The following CDYL2 variants were observed in gnomAD, a reference collection of about 807,000 sequenced individuals.
CDYL2 encodes the protein chromodomain Y like 2, also known as chromodomain Y-like protein 2.
Under a neutral mutation model 49.4 loss-of-function variants are expected in CDYL2, and 23 were observed. The observed-to-expected ratio is 0.47, with a 90% CI of 0.34 to 0.66. CDYL2 has a LOEUF of 0.66. CDYL2 is among the 30% of genes least tolerant of loss of function. The probability of loss-of-function intolerance (pLI) is 0.01; values close to 1 mark genes in which losing one functional copy is unlikely to be tolerated. For synonymous variants in CDYL2, 360 were observed against 268.8 expected, an observed-to-expected ratio of 1.34 and a Z score of -3.32; for missense variants, 678 against 656.4, an observed-to-expected ratio of 1.03 and a Z score of -0.36.
chr16:80,778,339 C>G (rs1907157652), intron 1 of CDYL2, among the ~76,000 whole-genome samples: 1 of 151,722 alleles, frequency 6.6e-6, no homozygotes, highest in Admixed American at 6.6e-5. Flanking sequence ...AAAATTATAA[C>G]TGACAGAAAG....
At chr16:80,642,050 G>A (rs1409534181) in intron 2 of CDYL2, among the ~76,000 whole-genome samples, 1 of 152,100 alleles carries the variant, frequency 6.6e-6, no homozygotes, top group Non-Finnish European at 1.5e-5. Flanking sequence ...CAATGAGCAG[G>A]TCAAAAATAA....
intron 1 of CDYL2, among the ~76,000 whole-genome samples, chr16:80,786,211 C>G (rs1907430812): frequency 6.6e-6 from 1 of 152,112 alleles, no homozygotes; most frequent in Non-Finnish European, 1.5e-5. Flanking sequence ...TGCAATCTAT[C>G]CATCTGACAA....
At chr16:80,673,228 G>T (rs1384586830) in intron 2 of CDYL2, among the ~76,000 whole-genome samples, 1 of 152,140 alleles carries the variant, frequency 6.6e-6, no homozygotes, top group Non-Finnish European at 1.5e-5. Flanking sequence ...GCAGAGGCAG[G>T]AGAATCGTTT....
intron 1 of CDYL2, among the ~76,000 whole-genome samples, chr16:80,776,502 C>G (rs1907087337): frequency 6.6e-6 from 1 of 151,586 alleles, no homozygotes; most frequent in South Asian, 2.1e-4. Flanking sequence ...GAAATGATCC[C>G]AAAAGTCTAT....
At chr16:80,765,091 T>C (rs1906671462) in intron 1 of CDYL2, among the ~76,000 whole-genome samples, 1 of 145,486 alleles carries the variant, frequency 6.9e-6, no homozygotes, top group Non-Finnish European at 1.5e-5. Context: ...TAGTTCCTCA[T>C]ATAATATATA....
intron 1 of CDYL2, among the ~76,000 whole-genome samples, chr16:80,707,868 T>C (rs1555531735): frequency 6.6e-6 from 1 of 152,232 alleles, no homozygotes; most frequent in Non-Finnish European, 1.5e-5. Context: ...CACTGTACAC[T>C]GGGAAAATTC....
intron 2 of CDYL2, among the ~76,000 whole-genome samples, chr16:80,644,739 T>C (rs148149901): frequency 6.6e-4 from 100 of 152,268 alleles, no homozygotes; most frequent in African/African-American, 2.4e-3. Flanking sequence ...CTTCAAACTA[T>C]ACTACAAGTC....
At chr16:80,748,253 G>A (rs547015759) in intron 1 of CDYL2, among the ~76,000 whole-genome samples, 133 of 147,754 alleles carry the variant, frequency 9.0e-4, no homozygotes, top group Middle Eastern at 3.6e-3. Flanking sequence ...TGGACCGGGC[G>A]CGCTGGCTCA....
intron 1 of CDYL2, among the ~76,000 whole-genome samples, chr16:80,734,711 C>T (rs1014462664): frequency 2.0e-5 from 3 of 152,138 alleles, no homozygotes; most frequent in Non-Finnish European, 4.4e-5. Flanking sequence ...CACAGATATA[C>T]CTGCTTAAGC....
At chr16:80,646,194 G>A (rs1253448450) in intron 2 of CDYL2, among the ~76,000 whole-genome samples, 1 of 151,786 alleles carries the variant, frequency 6.6e-6, no homozygotes, top group Non-Finnish European at 1.5e-5. Flanking sequence ...CAATATGTGG[G>A]AATTATGGGA....
intron 1 of CDYL2, among the ~76,000 whole-genome samples, chr16:80,791,396 T>C (rs1181182240): frequency 6.6e-6 from 1 of 152,152 alleles, no homozygotes; most frequent in Non-Finnish European, 1.5e-5. Flanking sequence ...CTGTGCTAGG[T>C]GCTACAGATG....
chr16:80,685,631 A>G (rs1910159651), intron 1 of CDYL2, among the ~76,000 whole-genome samples: 1 of 152,212 alleles, frequency 6.6e-6, no homozygotes, highest in African/African-American at 2.4e-5. Flanking sequence ...CTGGGTGCTT[A>G]TGAGCCAGAC....
chr16:80,779,161 C>T (rs536905294), intron 1 of CDYL2, among the ~76,000 whole-genome samples: 2 of 152,052 alleles, frequency 1.3e-5, no homozygotes, highest in South Asian at 4.2e-4. Flanking sequence ...CAAAAATATA[C>T]ATTAATCTGC....
intron 2 of CDYL2, among the ~76,000 whole-genome samples, chr16:80,661,441 T>C (rs964413962): frequency 1.3e-5 from 2 of 152,184 alleles, no homozygotes; most frequent in Non-Finnish European, 2.9e-5. Flanking sequence ...GTGCCTACTA[T>C]GGGATTCACA....
chr16:80,671,197 G>C (rs998140646), intron 2 of CDYL2, among the ~76,000 whole-genome samples: 1 of 152,136 alleles, frequency 6.6e-6, no homozygotes, highest in Non-Finnish European at 1.5e-5. Context: ...GAGGTGTCTG[G>C]GGCAGCCCTT....
chr16:80,736,095 C>T (rs931139512), intron 1 of CDYL2, among the ~76,000 whole-genome samples: 1 of 152,244 alleles, frequency 6.6e-6, no homozygotes, highest in Non-Finnish European at 1.5e-5. Context: ...GTGGAACTCC[C>T]AGCTGTCACA....
chr16:80,791,680 A>G (rs961128866), intron 1 of CDYL2, among the ~76,000 whole-genome samples: 2 of 152,332 alleles, frequency 1.3e-5, no homozygotes, highest in Admixed American at 6.5e-5. Context: ...GGATATGATT[A>G]AAGGAGAGAG....
intron 2 of CDYL2, among the ~76,000 whole-genome samples, chr16:80,644,096 T>C (rs1213425951): frequency 6.6e-6 from 1 of 152,242 alleles, no homozygotes; most frequent in African/African-American, 2.4e-5. Flanking sequence ...TTGAATGCTT[T>C]GCTGCTTAGA....
At chr16:80,719,987 C>T (rs1904944643) in intron 1 of CDYL2, among the ~76,000 whole-genome samples, 1 of 152,230 alleles carries the variant, frequency 6.6e-6, no homozygotes, top group South Asian at 2.1e-4. Context: ...CATTGATATT[C>T]CCTGTGGCTG....
Sources: allele counts gnomAD v4.1 joint callset (sites outside exome capture counted in the v4.1 genomes callset), GRCh38; gene constraint gnomAD v4.1.1; transcripts MANE v1.5; gene names NCBI Gene and HGNC (gene_info 2026-07-23, HGNC 2026-07-21).